The following NT5DC1 variants were observed in gnomAD, a reference collection of about 807,000 sequenced individuals.
NT5DC1 encodes the protein 5'-nucleotidase domain-containing protein 1.
In NT5DC1, 42 loss-of-function variants were observed where a neutral mutation model predicts 59.4. The ratio of observed to expected loss-of-function variants is 0.71; its 90% CI spans 0.55 to 0.92. The LOEUF is 0.92. Among genes scored for constraint, NT5DC1 ranks in the 40% least tolerant of loss-of-function variants. The pLI is 0.00. For missense variants in NT5DC1, 501 were observed against 537.1 expected (o/e 0.93, Z 0.66); for synonymous variants, 172 against 188.1 (o/e 0.91, Z 0.70).
At chr6:116,129,799 G>A (rs1000219478) in intron 6 of NT5DC1, among the ~76,000 whole-genome samples, 6 of 152,262 alleles carry the variant, frequency 3.9e-5, no homozygotes, top group South Asian at 2.1e-4. Context: ...TTGAAAAGCC[G>A]TGTCATCTGT....
chr6:116,106,147 G>T, intron 1 of NT5DC1, 97 bp from the exon 2 acceptor site: 1 of 758,712 alleles, frequency 1.3e-6, no homozygotes. Context: ...CCTCCTACCT[G>T]CCCCCATCAG....
chr6:116,121,124 G>T lies in NT5DC1; in HGVS notation c.529+3179G>T. 4 of 1,613,458 alleles carry T rather than the reference G, an allele frequency of 2.5e-6. No individual in the cohort carries two copies. Among genetic ancestry groups the T allele is most frequent in the Admixed American group, 1.7e-5 (1 of 59,988 alleles). ...GGGTCCAGTCAGACCTGGCTTCCCA[G>T]GAAGACCTGCTGGCCCTTGTTCCCC... On this transcript the variant is annotated intron_variant, in intron 6 of 11. Coordinates refer to ENST00000319550, the MANE Select transcript of NT5DC1 (RefSeq NM_152729.3).
At chr6:116,114,848 T>A (rs1188474061) in intron 4 of NT5DC1, among the ~76,000 whole-genome samples, 1 of 152,156 alleles carries the variant, frequency 6.6e-6, no homozygotes, top group Non-Finnish European at 1.5e-5. Context: ...AGGGCATTCT[T>A]TTACTGGTTC....
intron 6 of NT5DC1, among the ~76,000 whole-genome samples, chr6:116,176,950 A>G (rs1190645954): frequency 1.3e-5 from 2 of 152,218 alleles, no homozygotes; most frequent in Non-Finnish European, 2.9e-5. Context: ...GAAAGTTTAT[A>G]AGAACTTTAG....
At chr6:116,240,563 G>A (rs1931896) in intron 11 of NT5DC1, among the ~76,000 whole-genome samples, 46 of 152,094 alleles carry the variant, frequency 3.0e-4, no homozygotes, top group African/African-American at 1.1e-3. Flanking sequence ...GAATAAGTGA[G>A]ATGAGAGAAA....
chr6:116,155,841 A>G (rs546993241), intron 6 of NT5DC1, among the ~76,000 whole-genome samples: 1 of 152,146 alleles, frequency 6.6e-6, no homozygotes, highest in East Asian at 1.9e-4. Context: ...AAGAGCAGAT[A>G]CAGAGCTTAT....
chr6:116,176,366 G>C (rs1390082605), intron 6 of NT5DC1, among the ~76,000 whole-genome samples: 5 of 152,158 alleles, frequency 3.3e-5, no homozygotes, highest in African/African-American at 1.2e-4. Flanking sequence ...CTTCTGTTGG[G>C]CCTGGAGGCA....
At chr6:116,196,404 A>G (rs551920041) in intron 6 of NT5DC1, among the ~76,000 whole-genome samples, 1 of 152,170 alleles carries the variant, frequency 6.6e-6, no homozygotes, top group African/African-American at 2.4e-5. Flanking sequence ...AACCAGTTTT[A>G]CCTAATAGCA....
At chr6:116,163,905 T>C (rs9488855) in intron 6 of NT5DC1, among the ~76,000 whole-genome samples, 2,924 of 152,316 alleles carry the variant, frequency 0.019, 91 homozygotes, top group African/African-American at 0.066. Context: ...TATGTGGTTT[T>C]GAGAGTTCCT....
chr6:116,238,684 G>GA (rs1339676011), intron 10 of NT5DC1, among the ~76,000 whole-genome samples: 1 of 151,906 alleles, frequency 6.6e-6, no homozygotes, highest in African/African-American at 2.4e-5. Flanking sequence ...TTATTATAGG[G>GA]AAAAAATTAT....
At chr6:116,120,465 C>G (rs1181038080) in intron 6 of NT5DC1, 19 of 1,614,240 alleles carry the variant, frequency 1.2e-5, no homozygotes, top group Non-Finnish European at 1.5e-5. Context: ...AAAGCAGACA[C>G]AGGCATTCCT....
rs1562180917 is a variant in NT5DC1, at chr6:116,247,632, C to G, written c.*3608C>G. The G allele has an allele frequency of 6.6e-6, 1 of 152,106 alleles. No homozygotes were observed. The highest frequency in any genetic ancestry group is 1.5e-5 in the Non-Finnish European group (1 of 67,996). The allele number at this position is 152,106 out of a possible 1,614,324, so 9.4% of individuals were successfully genotyped here. A position where few individuals can be genotyped will look rare whatever the true frequency, so the allele number is the denominator to read the frequency against. ...GCCAATCAGTTTGTTGTACCATGTA[C>G]CTGTTCACAGACTCTTTTCAAAAAA... On this transcript the variant is annotated 3_prime_UTR_variant, in exon 12 of 12. Transcript: ENST00000319550.
intron 6 of NT5DC1, among the ~76,000 whole-genome samples, chr6:116,190,735 A>G (rs1781098851): frequency 6.6e-6 from 1 of 152,044 alleles, no homozygotes; most frequent in Admixed American, 6.6e-5. Flanking sequence ...TGACAACTGA[A>G]CTGTGAGAGT....
intron 6 of NT5DC1, among the ~76,000 whole-genome samples, chr6:116,175,841 A>G (rs1562151165): frequency 6.6e-6 from 1 of 152,172 alleles, no homozygotes; most frequent in Non-Finnish European, 1.5e-5. Flanking sequence ...ATCCTTTAAC[A>G]GTTCAATCTT....
rs139915645 is a variant in NT5DC1, at chr6:116,240,973, G to A, written c.1252+1850G>A. 3.0e-3 allele frequency among the ~76,000 whole-genome samples: 462 copies of A among 151,926 alleles called. 2 individuals are homozygous for A. Among genetic ancestry groups the A allele is most frequent in the Middle Eastern group, 0.01 (3 of 294 alleles). ...AGTCTGGCCAACATGGTGAAACCCC[G>A]TCTCTACTAAAAGTACAAAAATTAG... On this transcript the variant is annotated intron_variant, in intron 11 of 11. Transcript: ENST00000319550.
At chr6:116,135,033 T>C (rs1779555660) in intron 6 of NT5DC1, among the ~76,000 whole-genome samples, 1 of 152,146 alleles carries the variant, frequency 6.6e-6, no homozygotes, top group Admixed American at 6.5e-5. Context: ...CCCATTATCT[T>C]TTACTCATCT....
chr6:116,120,245 G>A, intron 6 of NT5DC1: 1 of 1,614,170 alleles, frequency 6.2e-7, no homozygotes, highest in Non-Finnish European at 8.5e-7. Flanking sequence ...TTCATCATAG[G>A]TGTACATTAC....
chr6:116,109,023 A>G (rs1194019448), intron 3 of NT5DC1, among the ~76,000 whole-genome samples: 1 of 152,154 alleles, frequency 6.6e-6, no homozygotes, highest in East Asian at 1.9e-4. Flanking sequence ...CAGCCTCTCA[A>G]CGGTTGCTAA....
intron 8 of NT5DC1, among the ~76,000 whole-genome samples, chr6:116,231,152 C>CA (rs1279540128): frequency 1.4e-5 from 2 of 146,124 alleles, no homozygotes; most frequent in East Asian, 4.1e-4. Context: ...GGTAAATCCC[C>CA]CCCCCAAACC....
Sources: gnomAD v4.1 joint callset for allele counts (sites outside exome capture counted in the v4.1 genomes callset) on GRCh38, gnomAD v4.1.1 for gene constraint, MANE v1.5 for transcripts, NCBI Gene and HGNC (gene_info 2026-07-23, HGNC 2026-07-21) for gene names.